Variants in GRM7 observed in about 807,000 individuals in gnomAD.
GRM7 encodes metabotropic glutamate receptor 7.
GRM7 carries 35 observed loss-of-function variants against 84.5 expected under a neutral mutation model. The ratio of observed to expected loss-of-function variants is 0.41; its 90% confidence interval spans 0.32 to 0.55. The LOEUF (loss-of-function observed/expected upper bound fraction) is 0.55, where lower values mean the gene tolerates loss of function less well. GRM7 is among the 20% of genes least tolerant of loss of function. The pLI is 0.19. For synonymous variants in GRM7, 487 were observed against 455.1 expected (o/e 1.07, Z -0.89); for missense variants, 1,003 against 1,194.6 (o/e 0.84, Z 2.36).
intron 1 of GRM7, among the ~76,000 whole-genome samples, chr3:7,124,779 C>T (rs1406615957): frequency 6.6e-6 from 1 of 151,954 alleles, no homozygotes; most frequent in African/African-American, 2.4e-5. Flanking sequence ...AAAATGGACC[C>T]AAGAAAGGGA....
intron 4 of GRM7, among the ~76,000 whole-genome samples, chr3:7,335,008 G>A (rs1412725494): frequency 7.1e-6 from 1 of 140,714 alleles, no homozygotes; most frequent in Non-Finnish European, 1.5e-5. Context: ...AGGTCATCAA[G>A]ATAGAAAGTC....
At chr3:7,157,628 C>T (rs905775369) in intron 2 of GRM7, among the ~76,000 whole-genome samples, 1 of 151,852 alleles carries the variant, frequency 6.6e-6, no homozygotes, top group Non-Finnish European at 1.5e-5. Flanking sequence ...AGATTTACAT[C>T]TGTGATATGG....
intron 1 of GRM7, among the ~76,000 whole-genome samples, chr3:6,881,212 G>A (rs541390208): frequency 3.0e-4 from 46 of 152,194 alleles, no homozygotes; most frequent in African/African-American, 1.1e-3. Flanking sequence ...GTGCCATGGT[G>A]GTTTGCTGCA....
Position 7,262,727 on chromosome 3 carries a change from C to T in GRM7, c.737-35957C>T, listed in dbSNP as rs1414028374. Among the ~76,000 whole-genome samples the T allele has an allele frequency of 0.025, 6 of 238 alleles. No individual in the cohort carries two copies. In the South Asian group the frequency reaches 0.36, roughly 14 times the overall value. 0.2% of individuals were successfully genotyped at this position (238 alleles called of 152,430 possible). A position where few individuals can be genotyped will look rare whatever the true frequency, so the allele number is the denominator to read the frequency against. ...GGTTTGTTTGTTTGAGATGGAGTCT[C>T]GCTTTGTCACACCAGGCTGGAGTGC... is the stretch of plus-strand genomic sequence containing the variant. On this transcript the variant is annotated intron_variant, in intron 2 of 9. Transcript: ENST00000357716.
At chr3:7,000,748 C>T (rs1371972661) in intron 1 of GRM7, among the ~76,000 whole-genome samples, 1 of 152,106 alleles carries the variant, frequency 6.6e-6, no homozygotes, top group East Asian at 1.9e-4. Flanking sequence ...GGAGTGGCTA[C>T]TCTTTAGGAC....
At chr3:6,943,702 A>G (rs545984401) in intron 1 of GRM7, among the ~76,000 whole-genome samples, 1 of 152,148 alleles carries the variant, frequency 6.6e-6, no homozygotes, top group Non-Finnish European at 1.5e-5. Context: ...TTTTAGACTT[A>G]GCTTGTCAAT....
chr3:7,442,562 T>G (rs1697333670), intron 5 of GRM7, among the ~76,000 whole-genome samples: 1 of 152,194 alleles, frequency 6.6e-6, no homozygotes, highest in Non-Finnish European at 1.5e-5. Flanking sequence ...GAAGTGAGAT[T>G]AATTCCCTTA....
rs1261789871 is a variant in GRM7, at chr3:7,578,742, C to T, written c.1836C>T (p.Phe612=). ...IIATIFVMAT[F]IRYNDTPIVR... is the part of the protein sequence containing the mutation. ...CCACCATCTTTGTCATGGCCACTTT[C>T]ATCCGCTACAATGACACGCCCATTG... Residue 612 remains phenylalanine, a synonymous_variant, in exon 8 of 10, where the codon TTC becomes TTT. Coordinates refer to ENST00000357716, the MANE Select transcript of GRM7 (RefSeq NM_000844.4). 3.1e-6 allele frequency: 5 copies of T among 1,614,122 alleles called. No individual in the cohort carries two copies. Among genetic ancestry groups the T allele is most frequent in the East Asian group, 2.2e-5 (1 of 44,868 alleles).
chr3:7,361,774 A>G (rs907131800), intron 4 of GRM7, among the ~76,000 whole-genome samples: 4 of 152,156 alleles, frequency 2.6e-5, no homozygotes, highest in African/African-American at 9.6e-5. Context: ...CTTGAATGTA[A>G]GAACTAATGG....
intron 4 of GRM7, among the ~76,000 whole-genome samples, chr3:7,370,154 AG>A (rs1694071449): frequency 6.6e-6 from 1 of 152,172 alleles, no homozygotes; most frequent in Non-Finnish European, 1.5e-5. Context: ...GAATACTAAA[AG>A]GTTTTTTTGG....
At chr3:7,727,392 T>C (rs962701959) in intron 9 of GRM7, among the ~76,000 whole-genome samples, 2 of 152,196 alleles carry the variant, frequency 1.3e-5, no homozygotes, top group African/African-American at 4.8e-5. Flanking sequence ...TTTTTAAAAA[T>C]GATTATTGTT....
chr3:7,380,116 A>C lies in GRM7; in HGVS notation c.1034-34907A>C, dbSNP rs116644979. ...GGCTTGGCTTGGCTTGAAATATGGG[A>C]GGTCCATATTTAGTTGCTAGAAAAA... is the stretch of plus-strand genomic sequence containing the variant. On this transcript the variant is annotated intron_variant, in intron 4 of 9. Transcript: ENST00000357716. Among the ~76,000 whole-genome samples the C allele has an allele frequency of 7.5e-3, 1,143 of 152,250 alleles. 12 individuals are homozygous for C. The highest frequency in any genetic ancestry group is 0.011 in the Non-Finnish European group (779 of 68,024).
At chr3:7,053,437 T>G (rs1047552997) in intron 1 of GRM7, among the ~76,000 whole-genome samples, 3 of 151,710 alleles carry the variant, frequency 2.0e-5, no homozygotes, top group African/African-American at 7.2e-5. Flanking sequence ...TTTATTCTTT[T>G]GTGTCCTGTT....
At chr3:7,368,000 A>G (rs1693979049) in intron 4 of GRM7, among the ~76,000 whole-genome samples, 1 of 147,104 alleles carries the variant, frequency 6.8e-6, no homozygotes, top group Non-Finnish European at 1.5e-5. Flanking sequence ...GAAAAATACA[A>G]TGATACAAAT....
chr3:7,237,031 G>A (rs1198523206), intron 2 of GRM7, among the ~76,000 whole-genome samples: 2 of 152,070 alleles, frequency 1.3e-5, no homozygotes, highest in South Asian at 2.1e-4. Flanking sequence ...TATACAGCCC[G>A]GTCATCAGTG....
chr3:7,306,777 T>C (rs890241211), intron 4 of GRM7, 125 bp downstream of exon 4: 4 of 731,400 alleles, frequency 5.5e-6, no homozygotes, highest in Non-Finnish European at 4.3e-6. Flanking sequence ...TTCAAACTTA[T>C]AGCCATGAAA....
intron 7 of GRM7, among the ~76,000 whole-genome samples, chr3:7,476,153 G>C (rs1698912679): frequency 6.6e-6 from 1 of 152,174 alleles, no homozygotes. Flanking sequence ...GGTTCTACCA[G>C]TTAACTTGCT....
chr3:6,901,980 C>CT (rs1448717591), intron 1 of GRM7, among the ~76,000 whole-genome samples: 1 of 151,736 alleles, frequency 6.6e-6, no homozygotes, highest in Admixed American at 6.6e-5. Context: ...GTCTTAAGAA[C>CT]TTTTTTTTAT....
chr3:7,568,792 C>T (rs544554316), intron 7 of GRM7, among the ~76,000 whole-genome samples: 5 of 152,248 alleles, frequency 3.3e-5, no homozygotes, highest in African/African-American at 9.6e-5. Context: ...GGCCCACTGG[C>T]GCTGCGCTTG....
Sources: allele counts gnomAD v4.1 joint callset (sites outside exome capture counted in the v4.1 genomes callset), GRCh38; gene constraint gnomAD v4.1.1; transcripts MANE v1.5; gene names NCBI Gene and HGNC (gene_info 2026-07-23, HGNC 2026-07-21).